The following PPP1R3B variants were observed in gnomAD, a reference collection of about 807,000 sequenced individuals.
PPP1R3B encodes the protein protein phosphatase 1 regulatory subunit 3B, also known as PP1 subunit R4.
In PPP1R3B, 8 loss-of-function variants were observed where a neutral mutation model predicts 14.6. That is an observed-to-expected ratio of 0.55 (90% CI 0.32 to 0.99). The LOEUF (loss-of-function observed/expected upper bound fraction) is 0.99. Ranked by LOEUF, PPP1R3B falls within the 50% of genes least tolerant of loss-of-function variation. The pLI is 0.04. For synonymous variants in PPP1R3B, 169 were observed against 142.0 expected (o/e 1.19, Z -1.35); for missense variants, 452 against 360.1 (o/e 1.26, Z -2.07).
intron 1 of PPP1R3B, among the ~76,000 whole-genome samples, chr8:9,146,199 A>T (rs184738764): frequency 6.0e-4 from 92 of 152,320 alleles, no homozygotes; most frequent in Admixed American, 5.9e-3. Flanking sequence ...GTTTCAATGG[A>T]CTAAATTAAG....
chr8:9,140,980 G>C lies in PPP1R3B; in HGVS notation c.672C>G (p.Ser224Arg). The change falls in exon 2 of 2, where the codon AGC becomes AGG. Residue 224 changes from serine to arginine, a missense_variant. By Grantham distance (110) the Ser-to-Arg change is moderately radical. Transcript: ENST00000310455. ...TGATCCTATAGTTCTTGCCTCTGTT[G>C]CTGTCCCAGTACGTCTGTCCATTGC... ...YECNGQTYWD[S>R]NRGKNYRIIR... 6.2e-7 allele frequency: 1 copy of C among 1,614,182 alleles called. No individual in the cohort carries two copies. Among genetic ancestry groups the C allele is most frequent in the Non-Finnish European group, 8.5e-7 (1 of 1,180,036 alleles).
At chr8:9,150,368 C>G (rs1392091319) in intron 1 of PPP1R3B, among the ~76,000 whole-genome samples, 195 bp downstream of exon 1, 2 of 152,248 alleles carry the variant, frequency 1.3e-5, no homozygotes, top group African/African-American at 4.8e-5. Flanking sequence ...GGCCCCCACT[C>G]CCTCTTTTGC....
chr8:9,141,753 G>GTTTTTTAATGAT, intron 1 of PPP1R3B, 85 bp from the exon 2 acceptor site: 2 of 1,317,004 alleles, frequency 1.5e-6, no homozygotes, highest in Admixed American at 2.5e-5. Context: ...TTCCAGCAGG[G>GTTTTTTAATGAT]ACTGGCAAAC....
rs1221098263 is a variant in PPP1R3B at position 9,136,660 on chromosome 8, C to T, written c.*4134G>A. The T allele has an allele frequency of 6.6e-6, 1 of 152,222 alleles. No homozygotes were observed. Among genetic ancestry groups the T allele is most frequent in the Non-Finnish European group, 1.5e-5 (1 of 68,036 alleles). The allele number at this position is 152,222 out of a possible 1,614,324, so 9.4% of individuals were successfully genotyped here. The stretch of plus-strand genomic sequence containing the variant: ...TCCCAGTTCCACATGTGTTGTCTCA[C>T]TGCAGGAAATTAAGATAAGCTGCCA... On this transcript the variant is annotated 3_prime_UTR_variant, in exon 2 of 2. Transcript: ENST00000310455.
Position 9,141,098 on chromosome 8 carries a change from G to T in PPP1R3B, c.554C>A (p.Ala185Asp). 1 of 1,614,142 alleles carries T rather than the reference G, an allele frequency of 6.2e-7. No homozygotes were observed. Among genetic ancestry groups the T allele is most frequent in the Non-Finnish European group, 8.5e-7 (1 of 1,180,038 alleles). ...FPCQYVKDTY[A>D]GSDRDTFSFD... ...GGAGAACGTGTCCCTGTCTGAACCG[G>T]CATAAGTGTCCTTCACGTACTGACA... The change falls in exon 2 of 2, where the codon GCC becomes GAC. Residue 185 changes from alanine (A) to aspartate (D), a missense_variant. Ala to Asp is a moderately radical substitution (Grantham distance 126, BLOSUM62 -2). Coordinates refer to ENST00000310455, the MANE Select transcript of PPP1R3B (RefSeq NM_024607.4).
rs777208323 is a variant in PPP1R3B at position 9,140,839 on chromosome 8, C to T, written c.813G>A (p.Glu271=). The T allele has an allele frequency of 2.5e-6, 4 of 1,614,130 alleles. No homozygotes were observed. Among genetic ancestry groups the T allele is most frequent in the Non-Finnish European group, 3.4e-6 (4 of 1,180,030 alleles). Residue 271 remains glutamate, a synonymous_variant, in exon 2 of 2, where the codon GAG becomes GAA. Coordinates refer to ENST00000310455, the MANE Select transcript of PPP1R3B (RefSeq NM_024607.4). ...SPRCSYGLFP[E]WPSYLGYEKL... Reference sequence around the variant, plus strand: ...TTTCATATCCTAAGTAACTTGGCCACTCTGGAAACAGACCATAGGAACACC... The same window carrying T: ...TTTCATATCCTAAGTAACTTGGCCATTCTGGAAACAGACCATAGGAACACC...
At position 9,148,877 on chromosome 8, in the gene PPP1R3B, C is replaced by G. The variant is rs183179887; in HGVS notation, c.-18+1686G>C. Among the ~76,000 whole-genome samples, 33 of 152,360 alleles carry G rather than the reference C, an allele frequency of 2.2e-4. 1 individual carries two copies. The East Asian group carries it at 2.3e-3, about 11-fold the overall frequency. ...CCCTCCATTCTCTTATTCTCTCTCT[C>G]TCTTTCTTCTGGTAAGAAAAGACAA... On this transcript the variant is annotated intron_variant, in intron 1 of 1. Coordinates refer to ENST00000310455, the MANE Select transcript of PPP1R3B (RefSeq NM_024607.4).
chr8:9,140,896 C>G lies in PPP1R3B; in HGVS notation c.756G>C (p.Leu252Phe), dbSNP rs1242965011. 1 of 1,614,220 alleles carries G rather than the reference C, an allele frequency of 6.2e-7. No homozygotes were observed. The highest frequency in any genetic ancestry group is 1.7e-5 in the Admixed American group (1 of 60,024). The change falls in exon 2 of 2, where the codon TTG (leucine) becomes TTC (phenylalanine). Residue 252 changes from leucine (L) to phenylalanine (F), a missense_variant. Coordinates refer to ENST00000310455, the MANE Select transcript of PPP1R3B (RefSeq NM_024607.4). ...TTCCGAACTGGTCAAAGGATATTCC[C>G]AAATCCGGTCCACTGTGGGGCTTGG... ...GMTKPHSGPD[L>F]GISFDQFGSP...
intron 1 of PPP1R3B, among the ~76,000 whole-genome samples, chr8:9,143,300 A>T (rs1409357515): frequency 2.6e-5 from 4 of 152,174 alleles, no homozygotes; most frequent in African/African-American, 9.7e-5. Flanking sequence ...GGTGTTTCCT[A>T]TATGGCAGGC....
At chr8:9,142,406 A>C (rs1801118011) in intron 1 of PPP1R3B, 1 of 150,786 alleles carries the variant, frequency 6.6e-6, no homozygotes, top group Non-Finnish European at 1.5e-5. Flanking sequence ...TTATTAATTG[A>C]GAAGTAAAAA....
chr8:9,146,858 A>G (rs921967502), intron 1 of PPP1R3B, among the ~76,000 whole-genome samples: 1 of 149,510 alleles, frequency 6.7e-6, no homozygotes, highest in Non-Finnish European at 1.5e-5. Context: ...GGTTCAATGT[A>G]AAAAAAAAAT....
In PPP1R3B at chr8:9,137,373, C is replaced by A. The variant is rs1179765505; in HGVS notation, c.*3421G>T. ...GGACAACTGCACCTGTGACAGGTGG[C>A]TGGTCTTTCTGGGGCAACCTGGGAA... On this transcript the variant is annotated 3_prime_UTR_variant, in exon 2 of 2. Coordinates refer to ENST00000310455, the MANE Select transcript of PPP1R3B (RefSeq NM_024607.4). The A allele has an allele frequency of 6.6e-6, 1 of 152,164 alleles. No individual in the cohort carries two copies. The highest frequency in any genetic ancestry group is 1.5e-5 in the Non-Finnish European group (1 of 68,022). The allele number at this position is 152,164 out of a possible 1,614,324, so 9.4% of individuals were successfully genotyped here. A position where few individuals can be genotyped will look rare whatever the true frequency, so the allele number is the denominator to read the frequency against.
In PPP1R3B at chr8:9,140,952, G is replaced by A. The variant is rs182703168; in HGVS notation, c.700C>T (p.Arg234Trp). ...SNRGKNYRII[R>W]AELKSTQGMT... ...CCCTGGGTAGATTTTAACTCAGCCC[G>A]GATGATCCTATAGTTCTTGCCTCTG... Residue 234 changes from arginine (R) to tryptophan (W), a missense_variant, in exon 2 of 2, where the codon CGG (arginine) becomes TGG (tryptophan). Transcript: ENST00000310455. 36 of 1,614,176 alleles carry A rather than the reference G, an allele frequency of 2.2e-5. No homozygotes were observed. Among genetic ancestry groups the A allele is most frequent in the Middle Eastern group, 1.6e-4 (1 of 6,062 alleles).
chr8:9,150,247 C>G (rs983405474), intron 1 of PPP1R3B, among the ~76,000 whole-genome samples: 2 of 152,198 alleles, frequency 1.3e-5, no homozygotes, highest in Admixed American at 1.3e-4. Context: ...ACCACAGGTT[C>G]CAACACCTTC....
chr8:9,149,208 A>AAAAAAAAAT (rs1280289297), intron 1 of PPP1R3B, among the ~76,000 whole-genome samples: 1 of 136,594 alleles, frequency 7.3e-6, no homozygotes, highest in African/African-American at 2.8e-5. Context: ...AAAAAAAAAA[A>AAAAAAAAAT]GGCAAAAAAA....
chr8:9,146,992 T>C (rs574546971), intron 1 of PPP1R3B, among the ~76,000 whole-genome samples: 1 of 152,266 alleles, frequency 6.6e-6, no homozygotes, highest in East Asian at 1.9e-4. Context: ...TTTTAATTTT[T>C]TTTTTTTCGA....
chr8:9,145,041 C>T lies in PPP1R3B; in HGVS notation c.-17-3373G>A, dbSNP rs183551077. On this transcript the variant is annotated intron_variant, in intron 1 of 1. Transcript: ENST00000310455. ...GATTGCAGGCGGGGAGCCATCATGG[C>T]CAGCCCATGTGATGTAATTTTATAT... is the stretch of plus-strand genomic sequence containing the variant. Among the ~76,000 whole-genome samples the T allele has an allele frequency of 2.2e-3, 334 of 152,094 alleles. 1 individual carries two copies. The highest frequency in any genetic ancestry group is 3.6e-3 in the Non-Finnish European group (248 of 67,988).
rs1259397612 is a variant in PPP1R3B, at chr8:9,140,986, C to G, written c.666G>C (p.Trp222Cys). 7 of 1,614,022 alleles carry G rather than the reference C, an allele frequency of 4.3e-6. No individual in the cohort carries two copies. The highest frequency in any genetic ancestry group is 5.9e-6 in the Non-Finnish European group (7 of 1,179,908). The stretch of plus-strand genomic sequence containing the variant: ...TATAGTTCTTGCCTCTGTTGCTGTC[C>G]CAGTACGTCTGTCCATTGCACTCGT... ...VYYECNGQTY[W>C]DSNRGKNYRI... Residue 222 changes from tryptophan to cysteine, a missense_variant, in exon 2 of 2, where the codon TGG becomes TGC. Coordinates refer to ENST00000310455, the MANE Select transcript of PPP1R3B (RefSeq NM_024607.4).
intron 1 of PPP1R3B, among the ~76,000 whole-genome samples, chr8:9,147,533 G>A (rs991258542): frequency 3.3e-5 from 5 of 151,922 alleles, no homozygotes; most frequent in South Asian, 2.1e-4. Flanking sequence ...AAAAGCCTTG[G>A]AAACTCTCAA....
Sources: allele counts gnomAD v4.1 joint callset (sites outside exome capture counted in the v4.1 genomes callset), GRCh38; gene constraint gnomAD v4.1.1; transcripts MANE v1.5; gene names NCBI Gene and HGNC (gene_info 2026-07-23, HGNC 2026-07-21).